The following TOX variants were observed in gnomAD, a reference collection of about 807,000 sequenced individuals.
TOX encodes the protein thymocyte selection associated high mobility group box, also known as thymocyte selection-associated high mobility group box protein TOX.
Under a neutral mutation model 53.7 loss-of-function variants are expected in TOX, and 11 were observed. The observed-to-expected ratio is 0.20, with a 90% CI of 0.13 to 0.34. The LOEUF (loss-of-function observed/expected upper bound fraction) is 0.34. TOX is among the 10% of genes least tolerant of loss of function. The probability of loss-of-function intolerance (pLI) is 1.00; values close to 1 mark genes in which losing one functional copy is unlikely to be tolerated. For missense variants in TOX, 570 were observed against 664.6 expected (o/e 0.86, Z 1.56); for synonymous variants, 225 against 245.3 (o/e 0.92, Z 0.77).
At chr8:58,945,032 A>G (rs778912039) in intron 2 of TOX, among the ~76,000 whole-genome samples, 1 of 152,258 alleles carries the variant, frequency 6.6e-6, no homozygotes, top group Non-Finnish European at 1.5e-5. Flanking sequence ...AGGAATAAAA[A>G]GATGGTGGGG....
intron 1 of TOX, among the ~76,000 whole-genome samples, chr8:59,018,784 G>A (rs892142352): frequency 6.6e-6 from 1 of 151,976 alleles, no homozygotes; most frequent in Non-Finnish European, 1.5e-5. Context: ...CATAGTTAAT[G>A]CCTTTCTTGC....
At chr8:59,072,019 T>G (rs1473649346) in intron 1 of TOX, among the ~76,000 whole-genome samples, 1 of 152,134 alleles carries the variant, frequency 6.6e-6, no homozygotes, top group Admixed American at 6.5e-5. Context: ...ATCTTTTAAG[T>G]TTTTTAAAGG....
At chr8:58,968,588 G>T (rs1378416256) in intron 1 of TOX, among the ~76,000 whole-genome samples, 1 of 152,140 alleles carries the variant, frequency 6.6e-6, no homozygotes, top group Non-Finnish European at 1.5e-5. Flanking sequence ...ATTTACCACA[G>T]TACCTAAATT....
intron 6 of TOX, among the ~76,000 whole-genome samples, chr8:58,822,901 C>T (rs1280283957): frequency 6.6e-6 from 1 of 152,186 alleles, no homozygotes; most frequent in Non-Finnish European, 1.5e-5. Flanking sequence ...ACTCTCTCTG[C>T]CTAGAGACTG....
chr8:58,811,908 A>G (rs766746986), intron 7 of TOX, among the ~76,000 whole-genome samples: 4 of 152,220 alleles, frequency 2.6e-5, no homozygotes, highest in African/African-American at 4.8e-5. Context: ...TTTTTGTAGG[A>G]TACATTCATT....
At chr8:58,963,608 A>T (rs897798641) in intron 1 of TOX, among the ~76,000 whole-genome samples, 3 of 152,160 alleles carry the variant, frequency 2.0e-5, no homozygotes, top group African/African-American at 7.2e-5. Context: ...CCTGTGTTCC[A>T]GTTCATCCCA....
chr8:59,025,662 C>T (rs1237228451), intron 1 of TOX, among the ~76,000 whole-genome samples: 4 of 152,140 alleles, frequency 2.6e-5, no homozygotes, highest in East Asian at 3.9e-4. Flanking sequence ...GTCTCTCAAT[C>T]GGCCTGGTGA....
At chr8:58,953,836 C>T (rs1447846725) in intron 2 of TOX, among the ~76,000 whole-genome samples, 2 of 152,020 alleles carry the variant, frequency 1.3e-5, no homozygotes, top group East Asian at 1.9e-4. Flanking sequence ...AACATGGAGA[C>T]GTTATGGCCC....
chr8:59,051,181 A>AT (rs1177077024), intron 1 of TOX, among the ~76,000 whole-genome samples: 1 of 152,148 alleles, frequency 6.6e-6, no homozygotes, highest in African/African-American at 2.4e-5. Flanking sequence ...ACTTACTAGG[A>AT]TATTAAACTG....
At chr8:59,099,146 T>A (rs1804763183) in intron 1 of TOX, among the ~76,000 whole-genome samples, 1 of 152,214 alleles carries the variant, frequency 6.6e-6, no homozygotes, top group South Asian at 2.1e-4. Context: ...TCTCAGAACC[T>A]CTTGATATTG....
intron 3 of TOX, among the ~76,000 whole-genome samples, chr8:58,912,027 C>T (rs565224912): frequency 7.2e-5 from 11 of 152,316 alleles, no homozygotes; most frequent in South Asian, 4.1e-4. Flanking sequence ...GCAGCTCCCC[C>T]GGCTCCACCC....
intron 1 of TOX, among the ~76,000 whole-genome samples, chr8:59,009,059 T>C (rs1813847450): frequency 6.6e-6 from 1 of 151,976 alleles, no homozygotes; most frequent in Admixed American, 6.5e-5. Flanking sequence ...TTTTCCTTCC[T>C]TTCTTCCTTT....
intron 5 of TOX, among the ~76,000 whole-genome samples, chr8:58,834,816 C>T (rs1810520500): frequency 6.6e-6 from 1 of 152,178 alleles, no homozygotes; most frequent in Non-Finnish European, 1.5e-5. Context: ...GTGTGTCCTA[C>T]ACCATACCTT....
chr8:59,004,339 G>C (rs1813748266), intron 1 of TOX, among the ~76,000 whole-genome samples: 1 of 152,154 alleles, frequency 6.6e-6, no homozygotes, highest in East Asian at 1.9e-4. Flanking sequence ...TTTGACTCCA[G>C]TCAGTAGCAA....
chr8:58,965,079 C>T (rs1235668802), intron 1 of TOX, among the ~76,000 whole-genome samples: 2 of 152,182 alleles, frequency 1.3e-5, no homozygotes, highest in Non-Finnish European at 2.9e-5. Context: ...TAGAAGTCAA[C>T]TGAATTTAGG....
intron 1 of TOX, among the ~76,000 whole-genome samples, chr8:59,086,803 G>A (rs766527279): frequency 2.0e-5 from 3 of 152,134 alleles, no homozygotes; most frequent in South Asian, 2.1e-4. Flanking sequence ...GTGGCCTTAA[G>A]GCACTCTCTG....
At chr8:58,815,082 TG>T (rs1415454826) in intron 7 of TOX, among the ~76,000 whole-genome samples, 1 of 149,124 alleles carries the variant, frequency 6.7e-6, no homozygotes, top group Non-Finnish European at 1.5e-5. Context: ...ATGGATATCA[TG>T]GGAAAGAAAC....
rs191244496 is a variant in TOX, at chr8:58,943,603, T to C, written c.169-4059A>G. ...ATGCCCAGGAGACAAGAGGACTACT[T>C]TTTTTTTTTTCTAAAAAAAAAAAAA... On this transcript the variant is annotated intron_variant, in intron 2 of 8. Coordinates refer to ENST00000361421, the MANE Select transcript of TOX (RefSeq NM_014729.3). 1.5e-4 allele frequency among the ~76,000 whole-genome samples: 10 copies of C among 68,456 alleles called. No homozygotes were observed. In the Admixed American group the frequency reaches 1.5e-3, roughly 10 times the overall value. 44.9% of individuals were successfully genotyped at this position (68,456 alleles called of 152,430 possible).
intron 3 of TOX, among the ~76,000 whole-genome samples, chr8:58,868,139 T>A (rs549892635): frequency 6.6e-6 from 1 of 152,136 alleles, no homozygotes; most frequent in Non-Finnish European, 1.5e-5. Context: ...TAAAGGGCAG[T>A]TCCTCTGCAC....
Sources: gnomAD v4.1 joint callset for allele counts (sites outside exome capture counted in the v4.1 genomes callset) on GRCh38, gnomAD v4.1.1 for gene constraint, MANE v1.5 for transcripts, NCBI Gene and HGNC (gene_info 2026-07-23, HGNC 2026-07-21) for gene names.